The following NXPE2 variants were observed in gnomAD, a reference collection of about 807,000 sequenced individuals.
NXPE2 encodes neurexophilin and PC-esterase domain family member 2.
In NXPE2, 34 loss-of-function variants were observed where a neutral mutation model predicts 34.4. That is an observed-to-expected ratio of 0.99 (90% CI 0.75 to 1.31). The LOEUF is 1.31. Among genes scored for constraint, NXPE2 ranks in the 40% most tolerant of loss-of-function variants. The pLI, the probability that NXPE2 is intolerant of heterozygous loss-of-function variation, is 0.00. For synonymous variants in NXPE2, 235 were observed against 231.3 expected (o/e 1.02, Z -0.15); for missense variants, 649 against 672.5 (o/e 0.97, Z 0.39).
the NXPE2 span, among the ~76,000 whole-genome samples, chr11:114,673,134 G>A: frequency 2.7e-5 from 4 of 149,346 alleles, no homozygotes; most frequent in Admixed American, 2.7e-4. Context: ...AGTATGCTCT[G>A]TGGCTATATG....
the NXPE2 span, among the ~76,000 whole-genome samples, chr11:114,649,883 A>G: frequency 6.6e-6 from 1 of 152,216 alleles, no homozygotes; most frequent in Non-Finnish European, 1.5e-5. Flanking sequence ...TTACTAAGGC[A>G]GGGATTCTAG....
At chr11:114,468,441 C>T in the NXPE2 span, among the ~76,000 whole-genome samples, 3 of 152,142 alleles carry the variant, frequency 2.0e-5, no homozygotes, top group South Asian at 2.1e-4. Context: ...GGCCCAGAAA[C>T]GAGAAGGGGT....
the NXPE2 span, among the ~76,000 whole-genome samples, chr11:114,497,748 C>T: frequency 6.6e-6 from 1 of 152,144 alleles, no homozygotes; most frequent in Non-Finnish European, 1.5e-5. Flanking sequence ...TGGTAAAATA[C>T]AGAGATATTC....
the NXPE2 span, among the ~76,000 whole-genome samples, chr11:114,625,335 ACT>A: frequency 2.6e-5 from 4 of 152,188 alleles, no homozygotes; most frequent in Admixed American, 2.6e-4. Flanking sequence ...GTGGGTAACC[ACT>A]GTTACTGGGT....
the NXPE2 span, among the ~76,000 whole-genome samples, chr11:114,672,851 CAAT>C: frequency 6.6e-6 from 1 of 151,432 alleles, no homozygotes; most frequent in African/African-American, 2.4e-5. Flanking sequence ...GACAATTCAA[CAAT>C]AATAGTTAGA....
the NXPE2 span, among the ~76,000 whole-genome samples, chr11:114,795,558 C>T: frequency 6.6e-6 from 1 of 152,158 alleles, no homozygotes; most frequent in Non-Finnish European, 1.5e-5. Flanking sequence ...CCCTGTTGCC[C>T]ATCCTTGCTT....
the NXPE2 span, among the ~76,000 whole-genome samples, chr11:114,719,124 T>C: frequency 6.6e-6 from 1 of 152,206 alleles, no homozygotes; most frequent in Non-Finnish European, 1.5e-5. Context: ...TGTTGTTTTT[T>C]ATTAGTTTCA....
At chr11:114,535,767 C>T in the NXPE2 span, among the ~76,000 whole-genome samples, 2 of 152,242 alleles carry the variant, frequency 1.3e-5, no homozygotes, top group Middle Eastern at 6.8e-3. Context: ...TACAGGAGCA[C>T]CTAGATTCAT....
the NXPE2 span, among the ~76,000 whole-genome samples, chr11:114,484,153 C>T: frequency 2.6e-5 from 4 of 152,186 alleles, no homozygotes; most frequent in Non-Finnish European, 5.9e-5. Flanking sequence ...CAGCAGCTCT[C>T]CTTTTCCATA....
chr11:114,565,267 C>G, the NXPE2 span, among the ~76,000 whole-genome samples: 1 of 152,056 alleles, frequency 6.6e-6, no homozygotes, highest in Admixed American at 6.6e-5. Context: ...GATATATTCT[C>G]CTAATAGAGA....
At chr11:114,593,397 C>A in the NXPE2 span, among the ~76,000 whole-genome samples, 1 of 152,004 alleles carries the variant, frequency 6.6e-6, no homozygotes, top group Admixed American at 6.6e-5. Context: ...AGAAGATATG[C>A]AAATGGCAAA....
the NXPE2 span, among the ~76,000 whole-genome samples, chr11:114,771,663 A>G: frequency 6.6e-6 from 1 of 152,136 alleles, no homozygotes; most frequent in Non-Finnish European, 1.5e-5. Context: ...CTTTGCTCTG[A>G]GTGCCTTCTC....
chr11:114,627,014 C>T, the NXPE2 span, among the ~76,000 whole-genome samples: 1 of 151,954 alleles, frequency 6.6e-6, no homozygotes, highest in Non-Finnish European at 1.5e-5. Flanking sequence ...AAATATGGGA[C>T]TATGTGACAA....
chr11:114,746,677 CT>C, the NXPE2 span, among the ~76,000 whole-genome samples: 2 of 152,102 alleles, frequency 1.3e-5, no homozygotes, highest in Non-Finnish European at 2.9e-5. Flanking sequence ...CGGTGAAACC[CT>C]GTCTCTACTA....
the NXPE2 span, among the ~76,000 whole-genome samples, chr11:114,601,398 C>A: frequency 7.2e-6 from 1 of 139,178 alleles, no homozygotes; most frequent in Non-Finnish European, 1.5e-5. Flanking sequence ...CAGTTCCATC[C>A]GTGTTGCTGC....
chr11:114,582,391 A>G, the NXPE2 span: 4 of 1,614,228 alleles, frequency 2.5e-6, no homozygotes, highest in African/African-American at 1.3e-5. Flanking sequence ...GGCCTCACAC[A>G]GTAGAAGCCT....
chr11:114,663,186 G>A, the NXPE2 span, among the ~76,000 whole-genome samples: 1 of 152,142 alleles, frequency 6.6e-6, no homozygotes, highest in African/African-American at 2.4e-5. Flanking sequence ...GCCTATGACA[G>A]CAGCCACAGG....
At chr11:114,665,179 A>C in the NXPE2 span, among the ~76,000 whole-genome samples, 1 of 152,172 alleles carries the variant, frequency 6.6e-6, no homozygotes, top group South Asian at 2.1e-4. Context: ...TAATGCCATT[A>C]TCTTAGCAAA....
the NXPE2 span, among the ~76,000 whole-genome samples, chr11:114,467,573 G>A: frequency 0.25 from 38,557 of 151,936 alleles, 5,038 homozygotes; most frequent in East Asian, 0.37. Flanking sequence ...ACTAGGGACC[G>A]TCTACTTACT....
Sources: gnomAD v4.1 joint callset for allele counts (sites outside exome capture counted in the v4.1 genomes callset) on GRCh38, gnomAD v4.1.1 for gene constraint, MANE v1.5 for transcripts, NCBI Gene and HGNC (gene_info 2026-07-23, HGNC 2026-07-21) for gene names.